BCAT1: variants seen among roughly 807,000 people sequenced by gnomAD.
BCAT1 encodes the protein branched-chain-amino-acid aminotransferase, cytosolic.
A neutral mutation model predicts 52.4 loss-of-function variants in BCAT1; 48 were observed. The observed-to-expected ratio is 0.92, with a 90% CI of 0.73 to 1.16. The LOEUF is 1.16. Among genes scored for constraint, BCAT1 ranks in the 50% most tolerant of loss-of-function variants. The pLI, the probability that BCAT1 is intolerant of heterozygous loss-of-function variation, is 0.00. For missense variants in BCAT1, 451 were observed against 457.1 expected, an observed-to-expected ratio of 0.99 and a Z score of 0.12; for synonymous variants, 167 against 161.3, an observed-to-expected ratio of 1.04 and a Z score of -0.27.
chr12:24,903,534 G>T (rs1467368816), intron 1 of BCAT1: 1 of 152,304 alleles, frequency 6.6e-6, no homozygotes, highest in East Asian at 1.9e-4. Context: ...ACTGAAGGGG[G>T]AGAACGTGAA....
intron 10 of BCAT1, among the ~76,000 whole-genome samples, chr12:24,820,401 A>C (rs1347043986): frequency 6.6e-6 from 1 of 152,218 alleles, no homozygotes; most frequent in East Asian, 1.9e-4. Flanking sequence ...AATTCTAAGT[A>C]GAGATGGCAG....
chr12:24,917,264 C>T (rs1401769804), intron 1 of BCAT1, among the ~76,000 whole-genome samples: 1 of 144,646 alleles, frequency 6.9e-6, no homozygotes, highest in Non-Finnish European at 1.5e-5. Flanking sequence ...CTGCAAGCTC[C>T]GTCTTGCCGC....
chr12:24,925,840 C>T (rs1446181921), intron 1 of BCAT1, among the ~76,000 whole-genome samples: 1 of 152,220 alleles, frequency 6.6e-6, no homozygotes, highest in African/African-American at 2.4e-5. Flanking sequence ...GATCTGCCAG[C>T]CTCGGCCTCC....
Position 24,832,839 on chromosome 12 carries a change from ATC to A in BCAT1, c.926_927del (p.Arg309IlefsTer6), listed in dbSNP as rs928651299. The A allele has an allele frequency of 1.6e-5, 26 of 1,612,116 alleles. No individual in the cohort carries two copies. The highest frequency in any genetic ancestry group is 2.0e-5 in the Non-Finnish European group (23 of 1,179,148). ...HQWGEFKVSE[R>X]YLTMDDLTTA... ...GTTGTCAAGTCATCCATGGTGAGGT[ATC>A]TCTCTGACACCTTAAATTCACCCTG... On this transcript the variant is annotated frameshift_variant, in exon 9 of 11. Coordinates refer to ENST00000261192, the MANE Select transcript of BCAT1 (RefSeq NM_005504.7). LOFTEE classifies it high-confidence loss of function.
chr12:24,917,376 G>T (rs1177475818), intron 1 of BCAT1, among the ~76,000 whole-genome samples: 2 of 152,114 alleles, frequency 1.3e-5, no homozygotes, highest in African/African-American at 2.4e-5. Flanking sequence ...TAGAGATGGG[G>T]TTTCACCGTG....
At chr12:24,870,333 A>G (rs181461879) in intron 5 of BCAT1, among the ~76,000 whole-genome samples, 277 of 152,360 alleles carry the variant, frequency 1.8e-3, no homozygotes, top group African/African-American at 6.5e-3. Context: ...AAATCTGGTT[A>G]AATACATCAA....
At chr12:24,855,377 T>TC (rs575984582) in intron 5 of BCAT1, among the ~76,000 whole-genome samples, 70 of 152,106 alleles carry the variant, frequency 4.6e-4, no homozygotes, top group Admixed American at 1.2e-3. Context: ...TTCTTTGTTT[T>TC]CCATTTTGTT....
chr12:24,818,443 A>G (rs1359942935), intron 10 of BCAT1, among the ~76,000 whole-genome samples: 3 of 152,140 alleles, frequency 2.0e-5, no homozygotes, highest in Admixed American at 2.0e-4. Flanking sequence ...GTGATCCTCA[A>G]AGTGTATTCT....
At chr12:24,822,791 T>C (rs1336030178) in intron 10 of BCAT1, among the ~76,000 whole-genome samples, 2 of 152,194 alleles carry the variant, frequency 1.3e-5, no homozygotes, top group Non-Finnish European at 2.9e-5. Context: ...TGTTTCTTTG[T>C]TTAGTATGAG....
intron 1 of BCAT1, among the ~76,000 whole-genome samples, chr12:24,921,682 C>T (rs1377364146): frequency 1.3e-5 from 2 of 152,152 alleles, no homozygotes; most frequent in Non-Finnish European, 2.9e-5. Context: ...CCAGAGCTGA[C>T]AAGGAACAAC....
chr12:24,923,191 T>C (rs192520817), intron 1 of BCAT1, among the ~76,000 whole-genome samples: 1 of 152,178 alleles, frequency 6.6e-6, no homozygotes, highest in African/African-American at 2.4e-5. Flanking sequence ...ATTTTAGGCA[T>C]CGTGAGCCAT....
chr12:24,908,613 C>T (rs182464311), intron 1 of BCAT1, among the ~76,000 whole-genome samples: 2 of 152,178 alleles, frequency 1.3e-5, no homozygotes, highest in African/African-American at 2.4e-5. Flanking sequence ...TGGTGCCATA[C>T]ACCTGTGGTC....
intron 5 of BCAT1, among the ~76,000 whole-genome samples, chr12:24,872,207 G>A (rs1414911358): frequency 6.6e-6 from 1 of 152,186 alleles, no homozygotes; most frequent in East Asian, 1.9e-4. Flanking sequence ...TGAATTGTAT[G>A]TTCAATCTTA....
At chr12:24,867,597 T>A (rs753691615) in intron 5 of BCAT1, among the ~76,000 whole-genome samples, 2 of 152,214 alleles carry the variant, frequency 1.3e-5, no homozygotes, top group Non-Finnish European at 2.9e-5. Flanking sequence ...GAGCATGGCA[T>A]GTATTTGATG....
chr12:24,834,359 T>A (rs967504220), intron 8 of BCAT1: 1 of 985,166 alleles, frequency 1.0e-6, no homozygotes, highest in Non-Finnish European at 1.2e-6. Context: ...CATTGACTTC[T>A]GCCAAAGTGT....
chr12:24,825,756 C>T lies in BCAT1; in HGVS notation c.1119+4067G>A, dbSNP rs547329419. Among the ~76,000 whole-genome samples the T allele has an allele frequency of 4.9e-4, 75 of 152,066 alleles. 1 individual carries two copies. Among genetic ancestry groups the T allele is most frequent in the Non-Finnish European group, 1.0e-3 (69 of 68,008 alleles). On this transcript the variant is annotated intron_variant, in intron 10 of 10. Coordinates refer to ENST00000261192, the MANE Select transcript of BCAT1 (RefSeq NM_005504.7). ...CTCCTTATAGACTCTGGTTATTAATCCCTTGTCAGATTGATAGTTTGCAAA... is the reference window on the plus strand; with the variant it reads ...CTCCTTATAGACTCTGGTTATTAATTCCTTGTCAGATTGATAGTTTGCAAA...
In BCAT1 at chr12:24,881,394, C is replaced by G. The variant is rs1481850309; in HGVS notation, c.297G>C (p.Lys99Asn). The change falls in exon 4 of 11, where the codon AAG becomes AAC. Residue 99 changes from lysine (K) to asparagine (N), a missense_variant. By Grantham distance (94) the Lys-to-Asn change is moderately conservative. Transcript: ENST00000261192. The part of the protein sequence containing the change: ...HYAVELFEGL[K>N]AFRGVDNKIR... ...TTTTATTATCTACTCCTCGAAATGCCTTCAATCCTTCAAATAACTGGAGAT... is the reference window on the plus strand; with the variant it reads ...TTTTATTATCTACTCCTCGAAATGCGTTCAATCCTTCAAATAACTGGAGAT... The G allele has an allele frequency of 1.2e-6, 2 of 1,608,138 alleles. No individual in the cohort carries two copies. Among genetic ancestry groups the G allele is most frequent in the Non-Finnish European group, 1.7e-6 (2 of 1,174,830 alleles).
chr12:24,873,330 A>G (rs914621270), intron 5 of BCAT1, among the ~76,000 whole-genome samples: 3 of 152,250 alleles, frequency 2.0e-5, no homozygotes, highest in African/African-American at 7.2e-5. Context: ...TTAACAACCC[A>G]TAAATAAATA....
At chr12:24,895,387 G>A (rs533767080) in intron 2 of BCAT1, among the ~76,000 whole-genome samples, 6 of 152,038 alleles carry the variant, frequency 3.9e-5, no homozygotes, top group South Asian at 2.1e-4. Flanking sequence ...TTAGCCAGGC[G>A]TGGTGGCATG....
Sources: allele counts gnomAD v4.1 joint callset (sites outside exome capture counted in the v4.1 genomes callset), GRCh38; gene constraint gnomAD v4.1.1; transcripts MANE v1.5; gene names NCBI Gene and HGNC (gene_info 2026-07-23, HGNC 2026-07-21).